The following PDZRN4 variants were observed in gnomAD, a reference collection of about 807,000 sequenced individuals.
PDZRN4 encodes the protein PDZ domain containing ring finger 4.
Under a neutral mutation model 99.0 loss-of-function variants are expected in PDZRN4, and 70 were observed. The observed-to-expected ratio is 0.71, with a 90% confidence interval of 0.58 to 0.86. The LOEUF is 0.86. Ranked by LOEUF, PDZRN4 falls within the 40% of genes least tolerant of loss-of-function variation. PDZRN4 has a pLI of 0.00. For missense variants in PDZRN4, 1,474 were observed against 1,331.2 expected, an observed-to-expected ratio of 1.11 and a Z score of -1.67; for synonymous variants, 551 against 501.6, an observed-to-expected ratio of 1.10 and a Z score of -1.32.
chr12:41,325,240 T>C (rs188928817), intron 3 of PDZRN4, among the ~76,000 whole-genome samples: 1 of 152,290 alleles, frequency 6.6e-6, no homozygotes, highest in Admixed American at 6.5e-5. Context: ...CAGTGGCATT[T>C]GAATCCTTAC....
intron 3 of PDZRN4, among the ~76,000 whole-genome samples, chr12:41,339,082 A>T (rs1170218988): frequency 4.6e-5 from 7 of 151,832 alleles, no homozygotes; most frequent in African/African-American, 1.7e-4. Flanking sequence ...CCTAAAATTT[A>T]TATGGAACCA....
At position 41,506,588 on chromosome 12, in the gene PDZRN4, G is replaced by A; in HGVS notation, c.976G>A (p.Glu326Lys). 1 of 1,613,932 alleles carries A rather than the reference G, an allele frequency of 6.2e-7. No homozygotes were observed. Among genetic ancestry groups the A allele is most frequent in the Non-Finnish European group, 8.5e-7 (1 of 1,179,880 alleles). The change falls in exon 4 of 10, where the codon GAA (glutamate) becomes AAA (lysine). Residue 326 changes from glutamate to lysine, a missense_variant. Physicochemically the swap from Glu to Lys is moderately conservative, Grantham distance 56 (BLOSUM62 1). Coordinates refer to ENST00000402685, the MANE Select transcript of PDZRN4 (RefSeq NM_001164595.2). ...TAGACCAGCCTATGGGATGGCTTCA[G>A]AAGTGCAGCTTATGAATGCCAGCAC... ...LSRPAYGMAS[E>K]VQLMNASTQT...
At chr12:41,462,909 C>T (rs909309403) in intron 3 of PDZRN4, among the ~76,000 whole-genome samples, 3 of 152,044 alleles carry the variant, frequency 2.0e-5, no homozygotes, top group Admixed American at 6.5e-5. Flanking sequence ...GTGGTCTGTC[C>T]ACTGTCAAAC....
chr12:41,312,818 A>G (rs79277609), intron 3 of PDZRN4, among the ~76,000 whole-genome samples: 1,609 of 152,068 alleles, frequency 0.011, 37 homozygotes, highest in African/African-American at 0.037. Context: ...ACAAAGCCAA[A>G]CCCTATCACC....
At chr12:41,221,444 G>A (rs1249237569) in intron 3 of PDZRN4, among the ~76,000 whole-genome samples, 2 of 152,070 alleles carry the variant, frequency 1.3e-5, no homozygotes, top group Admixed American at 6.6e-5. Flanking sequence ...ATTTGGTAGA[G>A]CATTATATGG....
At chr12:41,251,269 C>T (rs1305315226) in intron 3 of PDZRN4, among the ~76,000 whole-genome samples, 3 of 152,106 alleles carry the variant, frequency 2.0e-5, no homozygotes, top group Admixed American at 2.0e-4. Flanking sequence ...CATCAGTCCT[C>T]TTCAATTAGG....
intron 3 of PDZRN4, among the ~76,000 whole-genome samples, chr12:41,358,247 C>T (rs1313472213): frequency 3.3e-5 from 5 of 151,896 alleles, no homozygotes; most frequent in Admixed American, 3.3e-4. Flanking sequence ...ACAGCAGCCA[C>T]CCCAACTAGT....
chr12:41,407,605 G>T (rs1952359310), intron 3 of PDZRN4, among the ~76,000 whole-genome samples: 1 of 152,126 alleles, frequency 6.6e-6, no homozygotes, highest in South Asian at 2.1e-4. Context: ...TCTCGTGCCA[G>T]CTTAGGAGTG....
intron 3 of PDZRN4, among the ~76,000 whole-genome samples, chr12:41,378,652 A>G (rs1332190109): frequency 6.7e-6 from 1 of 150,314 alleles, no homozygotes. Context: ...CCTCCCAAGT[A>G]GCTGGGATTA....
intron 5 of PDZRN4, among the ~76,000 whole-genome samples, chr12:41,536,275 G>A (rs1938747217): frequency 6.6e-6 from 1 of 152,114 alleles, no homozygotes; most frequent in African/African-American, 2.4e-5. Flanking sequence ...AAGCTGTCAA[G>A]CCATGAAAAA....
At chr12:41,552,623 C>T (rs761297718) in intron 5 of PDZRN4, 33 bp from the exon 6 acceptor site, 1 of 1,527,506 alleles carries the variant, frequency 6.5e-7, no homozygotes, top group Non-Finnish European at 9.1e-7. Flanking sequence ...TTCTCTCTGA[C>T]ATAAATGTCA....
chr12:41,573,672 C>A lies in PDZRN4; in HGVS notation c.2893C>A (p.Arg965=). Residue 965 remains arginine, a synonymous_variant, in exon 10 of 10, where the codon CGA becomes AGA. Transcript: ENST00000402685. ...GCGCCGTCGCCGTGAGTTCATGATG[C>A]GAAGCAGGTTAGAGTGTCTCAAGGA... The part of the protein sequence containing the change: ...EQRRRREFMM[R]SRLECLKESP... The A allele has an allele frequency of 1.2e-6, 2 of 1,613,888 alleles. No homozygotes were observed. Among genetic ancestry groups the A allele is most frequent in the Non-Finnish European group, 1.7e-6 (2 of 1,179,976 alleles).
At chr12:41,512,732 G>A (rs964845816) in intron 5 of PDZRN4, among the ~76,000 whole-genome samples, 1 of 152,076 alleles carries the variant, frequency 6.6e-6, no homozygotes, top group East Asian at 1.9e-4. Context: ...GAGAGGGAGT[G>A]GGGTATTGGA....
chr12:41,368,683 G>A (rs150024074), intron 3 of PDZRN4, among the ~76,000 whole-genome samples: 1 of 152,016 alleles, frequency 6.6e-6, no homozygotes, highest in African/African-American at 2.4e-5. Flanking sequence ...GCAGATTTCA[G>A]TTGGCATTAT....
chr12:41,436,492 G>T lies in PDZRN4; in HGVS notation c.844-69964G>T, dbSNP rs568569819. 2.6e-5 allele frequency among the ~76,000 whole-genome samples: 4 copies of T among 152,260 alleles called. No homozygotes were observed. In the South Asian group the frequency reaches 8.3e-4, roughly 32 times the overall value. ...AGTGATAAGCAATTAAAAATCTCAAGATCCAGTGTAATTCCTAACCAGAGT... is the reference window on the plus strand; with the variant it reads ...AGTGATAAGCAATTAAAAATCTCAATATCCAGTGTAATTCCTAACCAGAGT... On this transcript the variant is annotated intron_variant, in intron 3 of 9. Transcript: ENST00000402685.
At chr12:41,386,521 T>C (rs1592038456) in intron 3 of PDZRN4, among the ~76,000 whole-genome samples, 1 of 152,072 alleles carries the variant, frequency 6.6e-6, no homozygotes, top group African/African-American at 2.4e-5. Flanking sequence ...ATAGGAAGAA[T>C]CAATATTGTT....
At position 41,518,411 on chromosome 12, in the gene PDZRN4, T is replaced by A. The variant is rs180803373; in HGVS notation, c.1203+8498T>A. 4.1e-4 allele frequency among the ~76,000 whole-genome samples: 63 copies of A among 152,172 alleles called. 1 individual carries two copies. Among genetic ancestry groups the A allele is most frequent in the Non-Finnish European group, 8.4e-4 (57 of 67,968 alleles). On this transcript the variant is annotated intron_variant, in intron 5 of 9. Coordinates refer to ENST00000402685, the MANE Select transcript of PDZRN4 (RefSeq NM_001164595.2). ...ACACTGTATGAGTGCAATTTTGCCA[T>A]TTTTGGGGGTTTCAGCAATTTTTCC...
intron 3 of PDZRN4, among the ~76,000 whole-genome samples, chr12:41,363,366 A>G (rs1391213538): frequency 6.6e-6 from 1 of 152,112 alleles, no homozygotes; most frequent in African/African-American, 2.4e-5. Context: ...ATGAAATATG[A>G]TAGTGATTCC....
intron 3 of PDZRN4, among the ~76,000 whole-genome samples, chr12:41,354,138 A>G (rs1452508667): frequency 6.6e-6 from 1 of 152,158 alleles, no homozygotes; most frequent in Admixed American, 6.6e-5. Flanking sequence ...ATATATAATT[A>G]GGCGATAGCA....
Sources: allele counts gnomAD v4.1 joint callset (sites outside exome capture counted in the v4.1 genomes callset), GRCh38; gene constraint gnomAD v4.1.1; transcripts MANE v1.5; gene names NCBI Gene and HGNC (gene_info 2026-07-23, HGNC 2026-07-21).